NRG3: variants seen among roughly 807,000 people sequenced by gnomAD.
NRG3 encodes the protein pro-neuregulin-3, membrane-bound isoform.
A neutral mutation model predicts 66.9 loss-of-function variants in NRG3; 31 were observed. The ratio of observed to expected loss-of-function variants is 0.46; its 90% CI spans 0.35 to 0.63. The LOEUF (loss-of-function observed/expected upper bound fraction) is 0.63, where lower values mean the gene tolerates loss of function less well. Ranked by LOEUF, NRG3 falls within the 20% of genes least tolerant of loss-of-function variation. The probability of loss-of-function intolerance (pLI) is 0.00; values close to 1 mark genes in which losing one functional copy is unlikely to be tolerated. For missense variants in NRG3, 910 were observed against 878.9 expected (o/e 1.04, Z -0.45); for synonymous variants, 393 against 359.4 (o/e 1.09, Z -1.06).
chr10:82,110,828 T>C (rs1389729859), intron 1 of NRG3, among the ~76,000 whole-genome samples: 1 of 151,842 alleles, frequency 6.6e-6, no homozygotes, highest in African/African-American at 2.4e-5. Flanking sequence ...TCAAGGGAGA[T>C]GTGTGGATCA....
At chr10:82,011,993 A>G (rs1005397548) in intron 1 of NRG3, among the ~76,000 whole-genome samples, 2 of 152,114 alleles carry the variant, frequency 1.3e-5, no homozygotes, top group South Asian at 2.1e-4. Flanking sequence ...CCACTAGGCA[A>G]TGCCCCAGTG....
intron 2 of NRG3, among the ~76,000 whole-genome samples, chr10:82,525,228 G>A (rs1326579785): frequency 2.6e-5 from 4 of 151,912 alleles, no homozygotes; most frequent in Middle Eastern, 3.4e-3. Flanking sequence ...AGTAAGTAGA[G>A]CATAGAAGAT....
intron 3 of NRG3, among the ~76,000 whole-genome samples, chr10:82,829,452 T>C (rs192028814): frequency 3.9e-5 from 6 of 152,270 alleles, no homozygotes; most frequent in Admixed American, 2.0e-4. Context: ...GGGCAAACCA[T>C]AATCAAAGCC....
At chr10:82,773,648 A>C (rs147529831) in intron 3 of NRG3, among the ~76,000 whole-genome samples, 1 of 151,682 alleles carries the variant, frequency 6.6e-6, no homozygotes, top group Non-Finnish European at 1.5e-5. Flanking sequence ...TTCCTTTCCA[A>C]TTTGGATGCT....
chr10:82,280,201 G>A (rs897462498), intron 1 of NRG3, among the ~76,000 whole-genome samples: 9 of 152,124 alleles, frequency 5.9e-5, no homozygotes, highest in Admixed American at 4.6e-4. Flanking sequence ...TTTATTTTCT[G>A]AATGTATATT....
chr10:82,250,226 T>C (rs2134088361), intron 1 of NRG3, among the ~76,000 whole-genome samples: 1 of 152,330 alleles, frequency 6.6e-6, no homozygotes, highest in East Asian at 1.9e-4. Context: ...TGAGGATCAA[T>C]ATATCAATAT....
intron 2 of NRG3, among the ~76,000 whole-genome samples, chr10:82,392,008 A>C (rs2086404676): frequency 6.9e-6 from 1 of 145,620 alleles, no homozygotes; most frequent in African/African-American, 2.6e-5. Context: ...AAAAAAAAAA[A>C]AACAAAAAAA....
At chr10:82,781,722 C>G (rs948890823) in intron 3 of NRG3, among the ~76,000 whole-genome samples, 2 of 152,050 alleles carry the variant, frequency 1.3e-5, no homozygotes, top group Admixed American at 1.3e-4. Context: ...GTAACTTTCT[C>G]CATATTTGAA....
At position 82,591,945 on chromosome 10, in the gene NRG3, T is replaced by C. The variant is rs1192811556; in HGVS notation, c.954-146632T>C. Reference sequence around the variant, plus strand: ...GCTTTGATCCCATTCTGCAGAGAACTCTAGTTTTTCTCCAGTGCCAACAAA... The same window carrying C: ...GCTTTGATCCCATTCTGCAGAGAACCCTAGTTTTTCTCCAGTGCCAACAAA... On this transcript the variant is annotated intron_variant, in intron 2 of 8. Transcript: ENST00000372141. 3.3e-5 allele frequency among the ~76,000 whole-genome samples: 5 copies of C among 152,220 alleles called. No homozygotes were observed. The South Asian group carries it at 8.3e-4, about 25-fold the overall frequency.
chr10:82,852,236 G>A (rs1403702921), intron 3 of NRG3, among the ~76,000 whole-genome samples: 4 of 151,938 alleles, frequency 2.6e-5, no homozygotes, highest in Non-Finnish European at 1.5e-5. Context: ...AGTGGGAGTC[G>A]AACAATGAGA....
intron 1 of NRG3, among the ~76,000 whole-genome samples, chr10:81,987,368 AGCCACCATGCCTG>A (rs1256149927): frequency 1.3e-5 from 2 of 152,214 alleles, no homozygotes; most frequent in African/African-American, 2.4e-5. Flanking sequence ...GACAGGCGTG[AGCCACCATGCCTG>A]GCCTATTTTT....
intron 1 of NRG3, among the ~76,000 whole-genome samples, chr10:81,891,925 C>A (rs1339105711): frequency 6.6e-6 from 1 of 152,104 alleles, no homozygotes; most frequent in African/African-American, 2.4e-5. Context: ...TTCTCTGGCT[C>A]GCTCTCTCCC....
chr10:82,901,456 A>G (rs1252004174), intron 4 of NRG3, among the ~76,000 whole-genome samples: 4 of 152,186 alleles, frequency 2.6e-5, no homozygotes, highest in Non-Finnish European at 4.4e-5. Context: ...GCCAAAAAAA[A>G]TACAATTCAT....
chr10:82,493,442 C>T (rs1304496036), intron 2 of NRG3, among the ~76,000 whole-genome samples: 1 of 152,058 alleles, frequency 6.6e-6, no homozygotes, highest in Non-Finnish European at 1.5e-5. Context: ...CATCCATGTC[C>T]CTGTAAAGGA....
intron 1 of NRG3, among the ~76,000 whole-genome samples, chr10:81,923,366 C>G (rs1030372295): frequency 6.6e-6 from 1 of 152,152 alleles, no homozygotes; most frequent in Admixed American, 6.5e-5. Context: ...CCACCGCGCC[C>G]GGCTAATTTT....
At chr10:82,755,288 AC>A (rs1421564291) in intron 3 of NRG3, among the ~76,000 whole-genome samples, 1 of 152,138 alleles carries the variant, frequency 6.6e-6, no homozygotes, top group African/African-American at 2.4e-5. Context: ...CTTTGTAGTC[AC>A]TACCATTTTC....
intron 2 of NRG3, among the ~76,000 whole-genome samples, chr10:82,597,919 CAAA>C (rs113523358): frequency 9.3e-5 from 12 of 128,506 alleles, no homozygotes; most frequent in East Asian, 2.3e-4. Context: ...GACTCCCTCT[CAAA>C]AAAAAAAAAA....
At chr10:82,504,933 T>G (rs2132385352) in intron 2 of NRG3, among the ~76,000 whole-genome samples, 1 of 152,160 alleles carries the variant, frequency 6.6e-6, no homozygotes, top group East Asian at 1.9e-4. Flanking sequence ...TTCTAATAAA[T>G]TAGGAAAAAT....
At chr10:82,349,930 C>G (rs149609908) in intron 1 of NRG3, among the ~76,000 whole-genome samples, 1 of 152,136 alleles carries the variant, frequency 6.6e-6, no homozygotes, top group Non-Finnish European at 1.5e-5. Flanking sequence ...GGCTCGCGCA[C>G]GGTGCGCGCA....
Sources: gnomAD v4.1 joint callset for allele counts (sites outside exome capture counted in the v4.1 genomes callset) on GRCh38, gnomAD v4.1.1 for gene constraint, MANE v1.5 for transcripts, NCBI Gene and HGNC (gene_info 2026-07-23, HGNC 2026-07-21) for gene names.